FHIT: variants seen among roughly 807,000 people sequenced by gnomAD.
FHIT encodes bis(5'-adenosyl)-triphosphatase.
Under a neutral mutation model 17.9 loss-of-function variants are expected in FHIT, and 19 were observed. The observed-to-expected ratio is 1.06, with a 90% CI of 0.74 to 1.56. The LOEUF (loss-of-function observed/expected upper bound fraction) is 1.56, where lower values mean the gene tolerates loss of function less well. FHIT is among the 40% of genes most tolerant of loss of function. The pLI is 0.00. For missense variants in FHIT, 248 were observed against 189.2 expected, an observed-to-expected ratio of 1.31 and a Z score of -1.82; for synonymous variants, 81 against 69.7, an observed-to-expected ratio of 1.16 and a Z score of -0.81.
intron 5 of FHIT, among the ~76,000 whole-genome samples, chr3:60,206,149 A>AAAAAAAAAT: frequency 1.1e-5 from 1 of 94,142 alleles, no homozygotes; most frequent in Non-Finnish European, 2.1e-5. Context: ...AAAAAAAAAT[A>AAAAAAAAAT]AATAATAATA....
chr3:59,785,823 G>A lies in FHIT; in HGVS notation c.349-33502C>T, dbSNP rs534260482. Among the ~76,000 whole-genome samples, 22 of 152,328 alleles carry A rather than the reference G, an allele frequency of 1.4e-4. No individual in the cohort carries two copies. The South Asian group carries it at 3.9e-3, about 27-fold the overall frequency. On this transcript the variant is annotated intron_variant, in intron 8 of 9. Transcript: ENST00000492590. Reference sequence around the variant, plus strand: ...CCAGGCTAAGAAGGTGGAGTGGGCAGGAGTAGGAGACATTGGATTGTTCCT... The same window carrying A: ...CCAGGCTAAGAAGGTGGAGTGGGCAAGAGTAGGAGACATTGGATTGTTCCT...
chr3:60,622,197 G>A (rs1403748098), intron 4 of FHIT, among the ~76,000 whole-genome samples: 1 of 152,122 alleles, frequency 6.6e-6, no homozygotes, highest in Non-Finnish European at 1.5e-5. Flanking sequence ...CAGGTAACAA[G>A]CACCCAAGTG....
intron 4 of FHIT, among the ~76,000 whole-genome samples, chr3:60,597,171 G>T (rs2038297617): frequency 6.6e-6 from 1 of 152,080 alleles, no homozygotes; most frequent in African/African-American, 2.4e-5. Flanking sequence ...AAAGTGTACA[G>T]AAAATAATTA....
intron 3 of FHIT, among the ~76,000 whole-genome samples, chr3:60,968,665 C>T (rs559301151): frequency 6.6e-6 from 1 of 152,172 alleles, no homozygotes; most frequent in Non-Finnish European, 1.5e-5. Flanking sequence ...CCCGCCTTGG[C>T]CTCCCAAAGT....
At chr3:61,152,223 G>A (rs954387685) in intron 2 of FHIT, among the ~76,000 whole-genome samples, 2 of 152,080 alleles carry the variant, frequency 1.3e-5, no homozygotes, top group Non-Finnish European at 2.9e-5. Flanking sequence ...AGTAGATCAG[G>A]GAGATAGAAA....
At chr3:60,463,323 A>G (rs1576699112) in intron 5 of FHIT, among the ~76,000 whole-genome samples, 2 of 152,172 alleles carry the variant, frequency 1.3e-5, no homozygotes, top group East Asian at 1.9e-4. Flanking sequence ...AAAATGATAT[A>G]TCTATACTTA....
At position 60,407,597 on chromosome 3, in the gene FHIT, C is replaced by T. The variant is rs1433839948; in HGVS notation, c.103+129263G>A. ...TGGCATGATCTCAGCTCACTGCAAC[C>T]CCCGCCTCCACAGTTCAAGCGATCC... On this transcript the variant is annotated intron_variant, in intron 5 of 9. Transcript: ENST00000492590. Among the ~76,000 whole-genome samples, 4 of 152,236 alleles carry T rather than the reference C, an allele frequency of 2.6e-5. No individual in the cohort carries two copies. In the East Asian group the frequency reaches 7.7e-4, roughly 29 times the overall value.
At chr3:60,656,340 A>G (rs1306430507) in intron 4 of FHIT, among the ~76,000 whole-genome samples, 2 of 152,146 alleles carry the variant, frequency 1.3e-5, no homozygotes, top group Non-Finnish European at 2.9e-5. Flanking sequence ...TTTTCTATAT[A>G]AGCTGCATAC....
At chr3:60,296,047 C>G (rs570777914) in intron 5 of FHIT, among the ~76,000 whole-genome samples, 89 of 152,238 alleles carry the variant, frequency 5.8e-4, no homozygotes, top group African/African-American at 2.0e-3. Flanking sequence ...TCGCTTGGCT[C>G]ATTCTTTCTC....
intron 8 of FHIT, among the ~76,000 whole-genome samples, chr3:59,813,535 C>T (rs951335911): frequency 6.6e-6 from 1 of 152,034 alleles, no homozygotes; most frequent in African/African-American, 2.4e-5. Context: ...GGGGATAGAG[C>T]AAGGATTTGG....
At chr3:60,978,107 T>C (rs942509932) in intron 3 of FHIT, among the ~76,000 whole-genome samples, 3 of 152,230 alleles carry the variant, frequency 2.0e-5, no homozygotes, top group Non-Finnish European at 4.4e-5. Flanking sequence ...CTGTTGTTTA[T>C]GATTGTCTTG....
chr3:60,340,766 G>T lies in FHIT; in HGVS notation c.103+196094C>A, dbSNP rs959685694. On this transcript the variant is annotated intron_variant, in intron 5 of 9. Coordinates refer to ENST00000492590, the MANE Select transcript of FHIT (RefSeq NM_002012.4). ...TCTGTTGCCCAGGCTGCAGTGCAGT[G>T]GCGTCATCTTGGCTCACCACAACCT... 3.9e-5 allele frequency among the ~76,000 whole-genome samples: 6 copies of T among 152,150 alleles called. No individual in the cohort carries two copies. The South Asian group carries it at 1.2e-3, about 32-fold the overall frequency.
rs73836620 is a variant in FHIT at position 60,611,385 on chromosome 3, A to C, written c.-17-74406T>G. On this transcript the variant is annotated intron_variant, in intron 4 of 9. Transcript: ENST00000492590. Reference sequence around the variant, plus strand: ...GCAGGACATTAATGCCTAGTGTTCCATTATAGGAACGCTAAGCATGTGGGA... The same window carrying C: ...GCAGGACATTAATGCCTAGTGTTCCCTTATAGGAACGCTAAGCATGTGGGA... 8.1e-3 allele frequency among the ~76,000 whole-genome samples: 1,236 copies of C among 152,288 alleles called. 16 individuals carry two copies. The highest frequency in any genetic ancestry group is 0.028 in the African/African-American group (1,172 of 41,574).
intron 4 of FHIT, chr3:60,732,445 A>ACCCTG: frequency 1.4e-6 from 1 of 731,726 alleles, no homozygotes; most frequent in Non-Finnish European, 2.6e-6. Context: ...TGAAGTCACC[A>ACCCTG]CCCTGACATA....
chr3:60,326,379 C>CG (rs967088603), intron 5 of FHIT, among the ~76,000 whole-genome samples: 6 of 151,924 alleles, frequency 3.9e-5, no homozygotes, highest in African/African-American at 1.5e-4. Flanking sequence ...TCATAAGGAG[C>CG]GGGCAACCTA....
intron 5 of FHIT, among the ~76,000 whole-genome samples, chr3:60,363,481 A>T (rs1699985297): frequency 1.3e-5 from 2 of 152,078 alleles, no homozygotes; most frequent in Non-Finnish European, 1.5e-5. Flanking sequence ...CTTTATATGG[A>T]TCTCATTTAT....
At chr3:60,203,822 T>C (rs1184378780) in intron 5 of FHIT, among the ~76,000 whole-genome samples, 1 of 150,920 alleles carries the variant, frequency 6.6e-6, no homozygotes, top group Non-Finnish European at 1.5e-5. Context: ...AAGAAAAAAA[T>C]GGGGGCAAAG....
At chr3:61,102,212 A>C in intron 2 of FHIT, among the ~76,000 whole-genome samples, 1 of 152,162 alleles carries the variant, frequency 6.6e-6, no homozygotes, top group East Asian at 1.9e-4. Flanking sequence ...AGTTCTTATT[A>C]TTTTGAGATA....
intron 5 of FHIT, among the ~76,000 whole-genome samples, chr3:60,240,692 A>G (rs1188144134): frequency 6.6e-6 from 1 of 152,174 alleles, no homozygotes; most frequent in Non-Finnish European, 1.5e-5. Flanking sequence ...CTGTTCTGCA[A>G]TAATTGAGAT....
Sources: allele counts gnomAD v4.1 joint callset (sites outside exome capture counted in the v4.1 genomes callset), GRCh38; gene constraint gnomAD v4.1.1; transcripts MANE v1.5; gene names NCBI Gene and HGNC (gene_info 2026-07-23, HGNC 2026-07-21).